The following RGL1 variants were observed in gnomAD, a reference collection of about 807,000 sequenced individuals.
The protein encoded by RGL1 is ral guanine nucleotide dissociation stimulator like 1, also known as ral guanine nucleotide dissociation stimulator-like 1.
RGL1 carries 24 observed loss-of-function variants against 95.2 expected under a neutral mutation model. The ratio of observed to expected loss-of-function variants is 0.25; its 90% CI spans 0.18 to 0.35. The LOEUF (loss-of-function observed/expected upper bound fraction) is 0.35, where lower values mean the gene tolerates loss of function less well. RGL1 is among the 10% of genes least tolerant of loss of function. The probability of loss-of-function intolerance (pLI) is 1.00; values close to 1 mark genes in which losing one functional copy is unlikely to be tolerated. For missense variants in RGL1, 715 were observed against 936.3 expected (o/e 0.76, Z 3.08); for synonymous variants, 329 against 344.9 (o/e 0.95, Z 0.51).
chr1:183,884,098 G>A (rs1249568200), intron 6 of RGL1, among the ~76,000 whole-genome samples, 188 bp downstream of exon 6: 1 of 152,234 alleles, frequency 6.6e-6, no homozygotes, highest in Non-Finnish European at 1.5e-5. Context: ...TCAGGCCTGA[G>A]CTCTTCTTGC....
intron 14 of RGL1, among the ~76,000 whole-genome samples, chr1:183,907,324 C>G (rs1668394451): frequency 6.6e-6 from 1 of 152,226 alleles, no homozygotes; most frequent in Admixed American, 6.5e-5. Flanking sequence ...GCCTGAATCA[C>G]TCCAGTAACA....
At chr1:183,805,478 TC>T (rs148692575) in intron 1 of RGL1, among the ~76,000 whole-genome samples, 154 bp downstream of exon 1, 2,707 of 152,344 alleles carry the variant, frequency 0.018, 81 homozygotes, top group African/African-American at 0.059. Context: ...TGTATTCCTC[TC>T]TCTCTGCGTG....
intron 12 of RGL1, among the ~76,000 whole-genome samples, chr1:183,904,277 A>G (rs193091341): frequency 3.3e-5 from 5 of 152,338 alleles, no homozygotes; most frequent in Admixed American, 2.6e-4. Context: ...GTGGCGTAGT[A>G]AAAACCCAAG....
chr1:183,638,671 T>C (rs902537200), intron 1 of RGL1, among the ~76,000 whole-genome samples: 1 of 152,220 alleles, frequency 6.6e-6, no homozygotes, highest in African/African-American at 2.4e-5. Context: ...AATATTATTT[T>C]CCTTATTTTA....
chr1:183,681,102 T>C (rs12076391), intron 1 of RGL1, among the ~76,000 whole-genome samples: 12,315 of 152,214 alleles, frequency 0.081, 916 homozygotes, highest in African/African-American at 0.2. Context: ...TCTAAATATA[T>C]AATCATGTCT....
At chr1:183,717,935 G>A (rs946793119) in intron 1 of RGL1, among the ~76,000 whole-genome samples, 32 of 152,132 alleles carry the variant, frequency 2.1e-4, no homozygotes, top group African/African-American at 7.2e-4. Flanking sequence ...GGGAAGCAGA[G>A]CTTATTTCTG....
intron 1 of RGL1, among the ~76,000 whole-genome samples, chr1:183,699,071 C>G (rs536944711): frequency 6.6e-6 from 1 of 152,358 alleles, no homozygotes; most frequent in East Asian, 1.9e-4. Flanking sequence ...ATGTTGGATG[C>G]CCAGTCTTGG....
At chr1:183,823,579 T>G (rs1399131602) in intron 2 of RGL1, among the ~76,000 whole-genome samples, 1 of 152,208 alleles carries the variant, frequency 6.6e-6, no homozygotes, top group African/African-American at 2.4e-5. Context: ...AGTTAACATT[T>G]TTTTCACCAT....
At chr1:183,690,087 G>T (rs941393372) in intron 1 of RGL1, among the ~76,000 whole-genome samples, 4 of 152,146 alleles carry the variant, frequency 2.6e-5, no homozygotes, top group Non-Finnish European at 5.9e-5. Context: ...GTTAATTTGG[G>T]CTCAGCAGTA....
intron 4 of RGL1, among the ~76,000 whole-genome samples, chr1:183,870,230 G>A (rs924503634): frequency 6.6e-6 from 1 of 152,154 alleles, no homozygotes; most frequent in Non-Finnish European, 1.5e-5. Flanking sequence ...CCAGTCTGAC[G>A]TGACTGCTAC....
rs779687022 is a variant in RGL1, at chr1:183,647,779, T to A, written c.-33+11278T>A. 14 of 1,614,084 alleles carry A rather than the reference T, an allele frequency of 8.7e-6. No individual in the cohort carries two copies. Among genetic ancestry groups the A allele is most frequent in the Middle Eastern group, 3.3e-4 (2 of 6,084 alleles). ...TCCACTGACCTTCCAGTGGGAAGCC[T>A]TCCAAGGTCCTTGGTTTCCTGGAAT... On this transcript the variant is annotated intron_variant, in intron 1 of 18. Coordinates refer to the RGL1 transcript ENST00000304685.
intron 4 of RGL1, among the ~76,000 whole-genome samples, chr1:183,874,919 A>G (rs1253964146): frequency 6.6e-6 from 1 of 152,186 alleles, no homozygotes; most frequent in African/African-American, 2.4e-5. Context: ...TCCGGCCCAG[A>G]GTCAGGGTCA....
Position 183,880,514 on chromosome 1 carries a change from C to T in RGL1, c.426-102C>T, listed in dbSNP as rs1441070972. ...ATGAATGATCTGTTGACCACCCACCCAAGTTTCCAGGGGTGCCCCTGGGGT... is the reference window on the plus strand; with the variant it reads ...ATGAATGATCTGTTGACCACCCACCTAAGTTTCCAGGGGTGCCCCTGGGGT... On this transcript the variant is annotated intron_variant, in intron 4 of 17. Coordinates refer to ENST00000360851, the MANE Select transcript of RGL1 (RefSeq NM_001297671.3). 7.3e-6 allele frequency: 7 copies of T among 957,730 alleles called. No homozygotes were observed. The African/African-American group carries it at 1.2e-4, about 16-fold the overall frequency. The allele number at this position is 957,730 out of a possible 1,614,324, so 59.3% of individuals were successfully genotyped here. A position where few individuals can be genotyped will look rare whatever the true frequency, so the allele number is the denominator to read the frequency against.
intron 10 of RGL1, among the ~76,000 whole-genome samples, chr1:183,898,576 G>A (rs2102690198): frequency 6.6e-6 from 1 of 152,166 alleles, no homozygotes; most frequent in East Asian, 1.9e-4. Context: ...CTTTAAGAGG[G>A]TTTTCTCTTT....
intron 2 of RGL1, among the ~76,000 whole-genome samples, chr1:183,828,270 T>G (rs564687770): frequency 5.1e-4 from 77 of 152,348 alleles, no homozygotes; most frequent in Admixed American, 4.1e-3. Flanking sequence ...AATATTTGTC[T>G]TCAAACGGTT....
chr1:183,835,471 T>A lies in RGL1; in HGVS notation c.139-12095T>A, dbSNP rs1663581949. ...TCCCAGTCTGTATTACCCAGTAGTT[T>A]CTCATGCAGAAGCCAGCTTCTCCTG... On this transcript the variant is annotated intron_variant, in intron 2 of 17. Transcript: ENST00000360851. 2.6e-5 allele frequency among the ~76,000 whole-genome samples: 4 copies of A among 152,210 alleles called. No homozygotes were observed. The South Asian group carries it at 8.3e-4, about 31-fold the overall frequency.
chr1:183,833,276 G>T (rs1167024999), intron 2 of RGL1, among the ~76,000 whole-genome samples: 1 of 152,176 alleles, frequency 6.6e-6, no homozygotes. Flanking sequence ...GAGGCCAGAT[G>T]ACTTTATCCA....
intron 2 of RGL1, among the ~76,000 whole-genome samples, chr1:183,807,422 C>T (rs1661419929): frequency 6.6e-6 from 1 of 152,190 alleles, no homozygotes; most frequent in South Asian, 2.1e-4. Context: ...ACTTGCATCC[C>T]ATCTTTAGCG....
At chr1:183,647,223 C>T (rs532284107) in intron 1 of RGL1, 10 of 153,750 alleles carry the variant, frequency 6.5e-5, no homozygotes, top group Non-Finnish European at 1.3e-4. Context: ...CCATGATTAA[C>T]AATTAATAGA....
Sources: allele counts gnomAD v4.1 joint callset (sites outside exome capture counted in the v4.1 genomes callset), GRCh38; gene constraint gnomAD v4.1.1; transcripts MANE v1.5; gene names NCBI Gene and HGNC (gene_info 2026-07-23, HGNC 2026-07-21).